NELL1: variants seen among roughly 807,000 people sequenced by gnomAD.
NELL1 encodes neural EGFL like 1, also known as protein kinase C-binding protein NELL1.
NELL1 carries 76 observed loss-of-function variants against 107.4 expected under a neutral mutation model. The observed-to-expected ratio is 0.71, with a 90% CI of 0.59 to 0.86. NELL1 has a LOEUF of 0.86. Among genes scored for constraint, NELL1 ranks in the 40% least tolerant of loss-of-function variants. NELL1 has a pLI of 0.00. For synonymous variants in NELL1, 353 were observed against 341.2 expected (o/e 1.03, Z -0.38); for missense variants, 1,024 against 1,005.5 (o/e 1.02, Z -0.25).
intron 16 of NELL1, among the ~76,000 whole-genome samples, chr11:21,536,551 T>C (rs535934088): frequency 6.6e-6 from 1 of 152,302 alleles, no homozygotes; most frequent in African/African-American, 2.4e-5. Flanking sequence ...ATCTTTTTCC[T>C]TGGTGTATGT....
chr11:21,274,116 TAA>T (rs1428843564), intron 14 of NELL1, among the ~76,000 whole-genome samples: 3 of 152,118 alleles, frequency 2.0e-5, no homozygotes, highest in African/African-American at 4.8e-5. Context: ...GCAAATTGGA[TAA>T]AGAGTCCAGA....
At chr11:21,478,312 T>C (rs1268142482) in intron 15 of NELL1, among the ~76,000 whole-genome samples, 1 of 152,158 alleles carries the variant, frequency 6.6e-6, no homozygotes, top group African/African-American at 2.4e-5. Flanking sequence ...GAGATTTGGA[T>C]GGGGACAGAA....
chr11:20,729,746 T>C (rs1855587985), intron 2 of NELL1, among the ~76,000 whole-genome samples: 1 of 152,180 alleles, frequency 6.6e-6, no homozygotes, highest in Non-Finnish European at 1.5e-5. Flanking sequence ...GGCAGGTATT[T>C]CCACACAGTA....
chr11:20,744,771 G>C (rs1264645824), intron 2 of NELL1, among the ~76,000 whole-genome samples: 1 of 152,146 alleles, frequency 6.6e-6, no homozygotes, highest in Non-Finnish European at 1.5e-5. Context: ...TCAACATCAG[G>C]GGCCATGGTA....
rs372309283 is a variant in NELL1 at position 20,782,848 on chromosome 11, C to T, written c.185-832C>T. 6.6e-5 allele frequency among the ~76,000 whole-genome samples: 10 copies of T among 152,178 alleles called. No homozygotes were observed. In the South Asian group the frequency reaches 1.5e-3, roughly 22 times the overall value. On this transcript the variant is annotated intron_variant, in intron 2 of 19. Coordinates refer to ENST00000357134, the MANE Select transcript of NELL1 (RefSeq NM_006157.5). ...GTAGTGTAAAATAATGAGATAACAC[C>T]CAGTTTATCATGACAAGGGTGAGTC... is the stretch of plus-strand genomic sequence containing the variant.
intron 13 of NELL1, among the ~76,000 whole-genome samples, chr11:21,169,042 C>A (rs903169069): frequency 1.3e-5 from 2 of 151,890 alleles, no homozygotes; most frequent in Non-Finnish European, 2.9e-5. Flanking sequence ...GCTACTATTG[C>A]ATAATTCTTA....
Position 21,099,228 on chromosome 11 carries a change from C to CAA in NELL1, c.1301-14360_1301-14359insAA, listed in dbSNP as rs1203935161. On this transcript the variant is annotated intron_variant, in intron 12 of 19. Coordinates refer to ENST00000357134, the MANE Select transcript of NELL1 (RefSeq NM_006157.5). ...ACACACACACACACACACACACACACACACAAACACACACACACACACACG... is the reference window on the plus strand; with the variant it reads ...ACACACACACACACACACACACACACAAACACAAACACACACACACACACACG... Among the ~76,000 whole-genome samples the CAA allele has an allele frequency of 5.7e-5, 8 of 140,818 alleles. No individual in the cohort carries two copies. The Admixed American group carries it at 5.7e-4, about 10-fold the overall frequency. The allele number at this position is 140,818 out of a possible 152,430, so 92.4% of individuals were successfully genotyped here.
At chr11:21,437,431 C>T (rs764403757) in intron 15 of NELL1, among the ~76,000 whole-genome samples, 28 of 152,150 alleles carry the variant, frequency 1.8e-4, no homozygotes, top group Non-Finnish European at 3.7e-4. Flanking sequence ...GCGATCTCGG[C>T]TCACCGCAAC....
At chr11:20,928,772 C>T (rs150162421) in intron 9 of NELL1, among the ~76,000 whole-genome samples, 49 of 152,184 alleles carry the variant, frequency 3.2e-4, no homozygotes, top group African/African-American at 1.2e-3. Context: ...ACTTGTCCAA[C>T]AAGTGGGTGA....
chr11:21,566,420 A>G (rs1464247311), intron 17 of NELL1, among the ~76,000 whole-genome samples: 1 of 151,776 alleles, frequency 6.6e-6, no homozygotes, highest in Non-Finnish European at 1.5e-5. Flanking sequence ...ATAGCAAAAA[A>G]CCTATAATAT....
intron 15 of NELL1, among the ~76,000 whole-genome samples, chr11:21,431,063 A>G (rs1349603194): frequency 1.3e-5 from 2 of 152,160 alleles, no homozygotes; most frequent in Non-Finnish European, 2.9e-5. Context: ...TTTTGACATT[A>G]TGGAGCTAAT....
Position 21,480,094 on chromosome 11 carries a change from A to G in NELL1, c.1646-54280A>G, listed in dbSNP as rs546074164. Among the ~76,000 whole-genome samples the G allele has an allele frequency of 7.9e-4, 120 of 152,278 alleles. 1 individual carries two copies. Among genetic ancestry groups the G allele is most frequent in the African/African-American group, 2.8e-3 (116 of 41,568 alleles). Reference sequence around the variant, plus strand: ...TAATTGATCTGAAAACTTCTCATATAAAATTCTCTATTATTTTCGTGTCTC... The same window carrying G: ...TAATTGATCTGAAAACTTCTCATATGAAATTCTCTATTATTTTCGTGTCTC... On this transcript the variant is annotated intron_variant, in intron 15 of 19. Transcript: ENST00000357134.
intron 11 of NELL1, among the ~76,000 whole-genome samples, chr11:20,958,749 G>C (rs1851229718): frequency 6.6e-6 from 1 of 152,168 alleles, no homozygotes; most frequent in African/African-American, 2.4e-5. Context: ...GAACAAGAAA[G>C]ACTGTTAAGC....
chr11:20,781,538 T>G (rs538978741), intron 2 of NELL1, among the ~76,000 whole-genome samples: 1 of 152,324 alleles, frequency 6.6e-6, no homozygotes, highest in African/African-American at 2.4e-5. Context: ...CAGCAGGCAT[T>G]GCTGATCGCT....
intron 5 of NELL1, among the ~76,000 whole-genome samples, chr11:20,908,315 A>G (rs775727871): frequency 2.6e-5 from 4 of 152,206 alleles, no homozygotes; most frequent in Non-Finnish European, 4.4e-5. Context: ...ATTCTCAACA[A>G]TGATAGACTA....
intron 14 of NELL1, among the ~76,000 whole-genome samples, chr11:21,231,208 T>C (rs533259140): frequency 1.3e-5 from 2 of 152,222 alleles, no homozygotes; most frequent in South Asian, 4.1e-4. Flanking sequence ...TCATCAAATA[T>C]CTAAGTTAAT....
At chr11:21,101,067 C>G (rs909709888) in intron 12 of NELL1, among the ~76,000 whole-genome samples, 2 of 151,178 alleles carry the variant, frequency 1.3e-5, no homozygotes, top group African/African-American at 4.9e-5. Flanking sequence ...TCGATTCCCA[C>G]CTATGAGTGA....
In NELL1 at chr11:21,554,063, TA is replaced by T. The variant is rs1399463392; in HGVS notation, c.1787-6122del. ...CATCAATACTGTAGCCTCTGTGCAG[TA>T]AAACTCTGTTTAAACAGCAAGTATT... On this transcript the variant is annotated intron_variant, in intron 16 of 19. Transcript: ENST00000357134. Among the ~76,000 whole-genome samples, 8 of 151,964 alleles carry T rather than the reference TA, an allele frequency of 5.3e-5. No individual in the cohort carries two copies. The East Asian group carries it at 1.6e-3, about 30-fold the overall frequency.
intron 10 of NELL1, among the ~76,000 whole-genome samples, chr11:20,944,610 A>G (rs1850925846): frequency 4.6e-5 from 7 of 152,226 alleles, no homozygotes; most frequent in Admixed American, 3.9e-4. Flanking sequence ...TCATAAAATA[A>G]CATACTATAA....
Sources: allele counts gnomAD v4.1 joint callset (sites outside exome capture counted in the v4.1 genomes callset), GRCh38; gene constraint gnomAD v4.1.1; transcripts MANE v1.5; gene names NCBI Gene and HGNC (gene_info 2026-07-23, HGNC 2026-07-21).